PALM2AKAP2: variants seen among roughly 807,000 people sequenced by gnomAD.
PALM2AKAP2 encodes the protein PALM2-AKAP2 fusion protein.
A neutral mutation model predicts 71.5 loss-of-function variants in PALM2AKAP2; 37 were observed. That is an observed-to-expected ratio of 0.52 (90% CI 0.40 to 0.68). The LOEUF (loss-of-function observed/expected upper bound fraction) is 0.68, where lower values mean the gene tolerates loss of function less well. PALM2AKAP2 is among the 30% of genes least tolerant of loss of function. PALM2AKAP2 has a pLI of 0.00. For synonymous variants in PALM2AKAP2, 468 were observed against 478.8 expected (o/e 0.98, Z 0.29); for missense variants, 1,224 against 1,191.8 (o/e 1.03, Z -0.40).
intron 1 of PALM2AKAP2, among the ~76,000 whole-genome samples, chr9:109,673,058 T>C (rs1320026608): frequency 2.6e-5 from 4 of 152,106 alleles, no homozygotes; most frequent in African/African-American, 7.2e-5. Flanking sequence ...CTGGATTTGT[T>C]GATCTTTTGA....
At chr9:109,883,496 G>A (rs1829901931) in intron 3 of PALM2AKAP2, among the ~76,000 whole-genome samples, 1 of 152,180 alleles carries the variant, frequency 6.6e-6, no homozygotes, top group African/African-American at 2.4e-5. Flanking sequence ...CCTCTGCAGG[G>A]CCTTCTGAGG....
chr9:109,752,129 G>A (rs1281092673), intron 1 of PALM2AKAP2, among the ~76,000 whole-genome samples: 2 of 152,078 alleles, frequency 1.3e-5, no homozygotes, highest in African/African-American at 4.8e-5. Context: ...ATCTCTTGGT[G>A]GAGGTGGCAG....
intron 2 of PALM2AKAP2, among the ~76,000 whole-genome samples, chr9:110,151,593 A>G (rs1239784507): frequency 2.0e-5 from 3 of 152,206 alleles, no homozygotes; most frequent in African/African-American, 4.8e-5. Flanking sequence ...TACAAAGCTA[A>G]GGTCACAGGA....
At chr9:110,114,508 C>T (rs184443821) in intron 1 of PALM2AKAP2, among the ~76,000 whole-genome samples, 74 of 152,306 alleles carry the variant, frequency 4.9e-4, no homozygotes, top group Admixed American at 2.4e-3. Flanking sequence ...ACCCATTTAA[C>T]AGATGATGAC....
chr9:110,108,262 C>T (rs955124068), intron 1 of PALM2AKAP2, among the ~76,000 whole-genome samples: 1 of 151,764 alleles, frequency 6.6e-6, no homozygotes, highest in African/African-American at 2.4e-5. Context: ...AAGGTGCCTG[C>T]CACCACGCCC....
rs1360117476 is a variant in PALM2AKAP2 at position 110,014,851 on chromosome 9, TAC to T, written c.497-1091_497-1090del. On this transcript the variant is annotated intron_variant, in intron 6 of 9. Coordinates refer to the PALM2AKAP2 transcript ENST00000302798. ...ATATATATATATATATATATATATA[TAC>T]ACACACACACATATATCTTGCCATT... Among the ~76,000 whole-genome samples, 27 of 89,536 alleles carry T rather than the reference TAC, an allele frequency of 3.0e-4. No individual in the cohort carries two copies. The East Asian group carries it at 3.9e-3, about 13-fold the overall frequency. 58.7% of individuals were successfully genotyped at this position (89,536 alleles called of 152,430 possible).
chr9:110,059,233 A>G (rs778108697), intron 1 of PALM2AKAP2, among the ~76,000 whole-genome samples: 3 of 152,174 alleles, frequency 2.0e-5, no homozygotes, highest in Non-Finnish European at 4.4e-5. Context: ...ATTATATCCA[A>G]TAAAGAGCTC....
intron 1 of PALM2AKAP2, among the ~76,000 whole-genome samples, chr9:109,843,892 G>A (rs544562288): frequency 1.5e-4 from 23 of 152,280 alleles, no homozygotes; most frequent in Admixed American, 1.4e-3. Context: ...CAGTTGTCAC[G>A]GCTCACATCC....
chr9:109,955,261 T>C (rs974364639), intron 6 of PALM2AKAP2, among the ~76,000 whole-genome samples: 3 of 152,188 alleles, frequency 2.0e-5, no homozygotes, highest in Non-Finnish European at 4.4e-5. Flanking sequence ...TCAAATCTTC[T>C]AAGGGCATTT....
intron 1 of PALM2AKAP2, among the ~76,000 whole-genome samples, chr9:109,755,322 C>T (rs151316981): frequency 3.9e-5 from 6 of 152,230 alleles, no homozygotes; most frequent in African/African-American, 1.2e-4. Context: ...TCACCTCCCA[C>T]CACTCCCCCT....
At position 109,965,477 on chromosome 9, in the gene PALM2AKAP2, C is replaced by A. The variant is rs752086381; in HGVS notation, c.496+33449C>A. ...GAAACATAGTGCTAAGTTAAACAAG[C>A]CAGAGAGAAAAGGACAAATATTGTA... On this transcript the variant is annotated intron_variant, in intron 6 of 9. Transcript: ENST00000302798. Among the ~76,000 whole-genome samples, 109 of 152,210 alleles carry A rather than the reference C, an allele frequency of 7.2e-4. 1 individual carries two copies. The highest frequency in any genetic ancestry group is 5.8e-4 in the East Asian group (3 of 5,188).
intron 6 of PALM2AKAP2, among the ~76,000 whole-genome samples, chr9:109,951,249 TG>T (rs1831634203): frequency 1.4e-4 from 3 of 21,152 alleles, no homozygotes; most frequent in Admixed American, 5.7e-4. Flanking sequence ...TTGGTGGGGG[TG>T]GGGGTGGGAG....
chr9:109,751,048 T>C (rs912778364), intron 1 of PALM2AKAP2, among the ~76,000 whole-genome samples: 1 of 152,160 alleles, frequency 6.6e-6, no homozygotes, highest in South Asian at 2.1e-4. Flanking sequence ...TTAAGTGCGA[T>C]GTCCATGTGA....
chr9:109,925,241 C>T (rs189941531), intron 5 of PALM2AKAP2, among the ~76,000 whole-genome samples, 159 bp downstream of exon 5: 1 of 152,186 alleles, frequency 6.6e-6, no homozygotes, highest in Non-Finnish European at 1.5e-5. Flanking sequence ...GGTCCACATT[C>T]CAAGCCTTCC....
At position 109,766,102 on chromosome 9, in the gene PALM2AKAP2, C is replaced by T. The variant is rs138239309; in HGVS notation, c.6-14386C>T. ...TGTCAAGTGTACATGCATTACCTTC[C>T]CTACTGTCTGGGGAGTCCTTTCGGA... On this transcript the variant is annotated intron_variant, in intron 1 of 6. Transcript: ENST00000374531. Among the ~76,000 whole-genome samples the T allele has an allele frequency of 3.3e-5, 5 of 152,286 alleles. No homozygotes were observed. The East Asian group carries it at 7.7e-4, about 24-fold the overall frequency.
intron 1 of PALM2AKAP2, among the ~76,000 whole-genome samples, chr9:109,743,079 C>T (rs1306243731): frequency 1.3e-5 from 2 of 152,152 alleles, no homozygotes; most frequent in African/African-American, 2.4e-5. Context: ...GGAGCTGATT[C>T]CTTTTAAGGC....
At chr9:109,651,286 C>A (rs1827222762) in intron 1 of PALM2AKAP2, among the ~76,000 whole-genome samples, 1 of 152,184 alleles carries the variant, frequency 6.6e-6, no homozygotes, top group Non-Finnish European at 1.5e-5. Flanking sequence ...CTTTCCTCTT[C>A]TGAAGGCCAC....
At chr9:110,152,957 G>A (rs1016486894) in intron 2 of PALM2AKAP2, among the ~76,000 whole-genome samples, 14 of 152,118 alleles carry the variant, frequency 9.2e-5, no homozygotes, top group African/African-American at 3.4e-4. Flanking sequence ...TCTCTCTGGG[G>A]ACCTGTGATA....
intron 1 of PALM2AKAP2, among the ~76,000 whole-genome samples, chr9:109,645,378 C>G (rs1827135421): frequency 6.6e-6 from 1 of 152,070 alleles, no homozygotes; most frequent in African/African-American, 2.4e-5. Context: ...AGGTGCTTTC[C>G]AACACATGGG....
Sources: gnomAD v4.1 joint callset for allele counts (sites outside exome capture counted in the v4.1 genomes callset) on GRCh38, gnomAD v4.1.1 for gene constraint, MANE v1.5 for transcripts, NCBI Gene and HGNC (gene_info 2026-07-23, HGNC 2026-07-21) for gene names.